The following AMOTL1 variants were observed in gnomAD, a reference collection of about 807,000 sequenced individuals.
The protein encoded by AMOTL1 is angiomotin-like protein 1.
In AMOTL1, 45 loss-of-function variants were observed where a neutral mutation model predicts 102.9. That is an observed-to-expected ratio of 0.44 (90% CI 0.34 to 0.56). The LOEUF (loss-of-function observed/expected upper bound fraction) is 0.56. Ranked by LOEUF, AMOTL1 falls within the 20% of genes least tolerant of loss-of-function variation. The pLI is 0.01. For missense variants in AMOTL1, 1,114 were observed against 1,225.6 expected, an observed-to-expected ratio of 0.91 and a Z score of 1.36; for synonymous variants, 481 against 484.7, an observed-to-expected ratio of 0.99 and a Z score of 0.10.
intron 8 of AMOTL1, among the ~76,000 whole-genome samples, chr11:94,854,404 A>G (rs986194236): frequency 1.2e-4 from 19 of 152,188 alleles, no homozygotes; most frequent in African/African-American, 3.6e-4. Context: ...AAGGGCAAGA[A>G]CATCATAGGT....
Position 94,768,388 on chromosome 11 carries a change from T to G in AMOTL1, c.-124T>G. On this transcript the variant is annotated 5_prime_UTR_variant, in exon 1 of 13. Coordinates refer to ENST00000433060, the MANE Select transcript of AMOTL1 (RefSeq NM_130847.3). The stretch of plus-strand genomic sequence containing the variant: ...GAGAAGCTCTAGGACCCAGCAGCGG[T>G]TGTCGGGTTTGGGGCTGGAGGTGAA... The G allele has an allele frequency of 4.0e-6, 6 of 1,487,294 alleles. No individual in the cohort carries two copies. The highest frequency in any genetic ancestry group is 2.6e-5 in the East Asian group (1 of 38,414). 92.1% of individuals were successfully genotyped at this position (1,487,294 alleles called of 1,614,324 possible).
At chr11:94,768,754 C>T (rs570889213) in intron 1 of AMOTL1, among the ~76,000 whole-genome samples, 194 bp downstream of exon 1, 12 of 152,126 alleles carry the variant, frequency 7.9e-5, no homozygotes, top group South Asian at 6.2e-4. Context: ...GCCTGCGGGC[C>T]GGGCCTCAGC....
upstream of AMOTL1, among the ~76,000 whole-genome samples, chr11:94,765,036 G>C (rs539189064): frequency 6.6e-6 from 1 of 152,070 alleles, no homozygotes; most frequent in Non-Finnish European, 1.5e-5. Flanking sequence ...CATTCTTCCC[G>C]CCTCTATGCT....
In AMOTL1 at chr11:94,783,880, C is replaced by A. The variant is rs200684403; in HGVS notation, c.50-11131C>A. On this transcript the variant is annotated intron_variant, in intron 1 of 12. Coordinates refer to ENST00000433060, the MANE Select transcript of AMOTL1 (RefSeq NM_130847.3). The stretch of plus-strand genomic sequence containing the variant: ...GAATAATTCTGCCTTTTGCTGCCAA[C>A]GACCCATGATCCTTTGTAACTCCTA... 2.0e-5 allele frequency among the ~76,000 whole-genome samples: 3 copies of A among 151,938 alleles called. No homozygotes were observed. In the East Asian group the frequency reaches 5.8e-4, roughly 29 times the overall value.
rs776718682 is a variant in AMOTL1 at position 94,799,460 on chromosome 11, C to T, written c.270C>T (p.Ser90=). ...TCTCAGAGGTGGAAATGAGAGGTTC[C>T]GAGGATGCGGCAGCTGGAACAGTAT... ...LRISEVEMRG[S]EDAAAGTVLQ... is the part of the protein sequence containing the mutation. Residue 90 remains serine (S), a synonymous_variant, in exon 3 of 13, where the codon TCC becomes TCT. Transcript: ENST00000433060. This position sits in a 1 kb window ranked among gnomAD's most constrained non-coding sequence, Gnocchi z 4.5. The T allele has an allele frequency of 2.5e-5, 40 of 1,606,980 alleles. 1 individual carries two copies. Among genetic ancestry groups the T allele is most frequent in the South Asian group, 2.1e-4 (19 of 89,604 alleles).
At chr11:94,734,773 A>G (rs552270462) in intron 2 of AMOTL1, among the ~76,000 whole-genome samples, 17 of 152,270 alleles carry the variant, frequency 1.1e-4, no homozygotes, top group African/African-American at 3.8e-4. Context: ...AAAGGGCAAT[A>G]CCAGGAAGGA....
chr11:94,760,989 G>T (rs184159372), intron 3 of AMOTL1, among the ~76,000 whole-genome samples: 2 of 152,032 alleles, frequency 1.3e-5, no homozygotes, highest in Admixed American at 1.3e-4. Flanking sequence ...GCTCAGGCTG[G>T]TCTTGAACTC....
intron 2 of AMOTL1, among the ~76,000 whole-genome samples, chr11:94,733,211 GACA>G (rs1472153554): frequency 1.3e-5 from 2 of 152,190 alleles, no homozygotes; most frequent in Non-Finnish European, 2.9e-5. Context: ...AGTTTCTAAG[GACA>G]ACATTACTCT....
intron 3 of AMOTL1, among the ~76,000 whole-genome samples, chr11:94,757,384 C>T (rs541770509): frequency 6.6e-6 from 1 of 152,150 alleles, no homozygotes; most frequent in East Asian, 1.9e-4. Flanking sequence ...GAAGTTAAGT[C>T]GTTCAGCCAA....
chr11:94,851,168 A>G (rs1033848018), intron 7 of AMOTL1, among the ~76,000 whole-genome samples: 3 of 152,196 alleles, frequency 2.0e-5, no homozygotes, highest in African/African-American at 7.2e-5. Flanking sequence ...AACGTATTAA[A>G]TATGAAAACA....
chr11:94,801,553 A>G (rs1447786916), intron 3 of AMOTL1, among the ~76,000 whole-genome samples: 1 of 152,066 alleles, frequency 6.6e-6, no homozygotes, highest in East Asian at 1.9e-4. Context: ...GAGGAAAGGG[A>G]GCCCCACGCC....
At chr11:94,731,030 AGCTCT>A (rs1950340767) in intron 2 of AMOTL1, among the ~76,000 whole-genome samples, 2 of 152,302 alleles carry the variant, frequency 1.3e-5, no homozygotes, top group Admixed American at 1.3e-4. Context: ...ACCATCTCCA[AGCTCT>A]GTCTTATCCT....
Position 94,871,442 on chromosome 11 carries a change from T to C in AMOTL1, c.*647T>C, listed in dbSNP as rs1421689269. On this transcript the variant is annotated 3_prime_UTR_variant, in exon 13 of 13. Transcript: ENST00000433060. ...TAAACAGGATAGATTATGATCTCGG[T>C]CCCCATCCATCCTAACTTCTGAGTT... 1 of 152,238 alleles carries C rather than the reference T, an allele frequency of 6.6e-6. No individual in the cohort carries two copies. Among genetic ancestry groups the C allele is most frequent in the East Asian group, 1.9e-4 (1 of 5,202 alleles). 9.4% of individuals were successfully genotyped at this position (152,238 alleles called of 1,614,324 possible). A position where few individuals can be genotyped will look rare whatever the true frequency, so the allele number is the denominator to read the frequency against.
At chr11:94,867,111 C>T (rs747371073) in intron 11 of AMOTL1, among the ~76,000 whole-genome samples, 1 of 152,136 alleles carries the variant, frequency 6.6e-6, no homozygotes, top group Non-Finnish European at 1.5e-5. Flanking sequence ...CAGCATAAGA[C>T]CCCAAAGGAG....
At position 94,873,935 on chromosome 11, in the gene AMOTL1, C is replaced by A. The variant is rs1336140431; in HGVS notation, c.*3140C>A. ...ACCAGAAGCACAGCTCCAAACTATACCTAAAAAATATTTCTGCACTTCCCA... is the reference window on the plus strand; with the variant it reads ...ACCAGAAGCACAGCTCCAAACTATAACTAAAAAATATTTCTGCACTTCCCA... On this transcript the variant is annotated 3_prime_UTR_variant, in exon 13 of 13. Transcript: ENST00000433060. 6.6e-6 allele frequency: 1 copy of A among 152,226 alleles called. No individual in the cohort carries two copies. Among genetic ancestry groups the A allele is most frequent in the Non-Finnish European group, 1.5e-5 (1 of 68,050 alleles). The allele number at this position is 152,226 out of a possible 1,614,324, so 9.4% of individuals were successfully genotyped here.
At chr11:94,842,638 A>G (rs1347804795) in intron 6 of AMOTL1, among the ~76,000 whole-genome samples, 1 of 152,238 alleles carries the variant, frequency 6.6e-6, no homozygotes, top group East Asian at 1.9e-4. Context: ...ACATTTTAAC[A>G]GCAGCCATTT....
Position 94,866,129 on chromosome 11 carries a change from G to T in AMOTL1, c.2449G>T (p.Glu817Ter), listed in dbSNP as rs1251292509. The change falls in exon 11 of 13, where the codon GAG (glutamate) becomes TAG (stop). Residue 817 changes from glutamate (E) to a stop codon, truncating the protein, a stop_gained. Coordinates refer to ENST00000433060, the MANE Select transcript of AMOTL1 (RefSeq NM_130847.3). LOFTEE classifies it high-confidence loss of function. ...CTCTCTTACCAGCAGCCAGCTGGCT[G>T]AGGAAAAGAAGGAAGAGAAGACCTG... is the stretch of plus-strand genomic sequence containing the variant. ...QTSLTSSQLA[E>*]EKKEEKTWKG... 6.2e-7 allele frequency: 1 copy of T among 1,614,016 alleles called. No homozygotes were observed. Among genetic ancestry groups the T allele is most frequent in the Non-Finnish European group, 8.5e-7 (1 of 1,179,900 alleles).
chr11:94,828,963 C>T (rs576018707), intron 4 of AMOTL1, among the ~76,000 whole-genome samples: 1 of 152,278 alleles, frequency 6.6e-6, no homozygotes, highest in East Asian at 1.9e-4. Flanking sequence ...TACCCTTTCT[C>T]TTGCATTTAT....
chr11:94,760,711 A>G (rs1373748272), intron 3 of AMOTL1, among the ~76,000 whole-genome samples: 1 of 152,142 alleles, frequency 6.6e-6, no homozygotes. Context: ...TTCATTGCAC[A>G]TAGGCTAGTT....
Sources: allele counts gnomAD v4.1 joint callset (sites outside exome capture counted in the v4.1 genomes callset), GRCh38; gene constraint gnomAD v4.1.1; non-coding constraint Gnocchi (gnomAD v3.1); transcripts MANE v1.5; gene names NCBI Gene and HGNC (gene_info 2026-07-23, HGNC 2026-07-21).